Variants in HIRA observed in about 807,000 individuals in gnomAD.
HIRA encodes histone cell cycle regulator.
A neutral mutation model predicts 126.6 loss-of-function variants in HIRA; 13 were observed. The observed-to-expected ratio is 0.10, with a 90% CI of 0.07 to 0.16. The LOEUF (loss-of-function observed/expected upper bound fraction) is 0.16, where lower values mean the gene tolerates loss of function less well. Ranked by LOEUF, HIRA falls within the 10% of genes least tolerant of loss-of-function variation. The pLI is 1.00. For synonymous variants in HIRA, 511 were observed against 520.0 expected, an observed-to-expected ratio of 0.98 and a Z score of 0.24; for missense variants, 834 against 1,314.4, an observed-to-expected ratio of 0.63 and a Z score of 5.65.
chr22:19,348,974 G>C (rs984860130), intron 24 of HIRA, among the ~76,000 whole-genome samples: 2 of 151,144 alleles, frequency 1.3e-5, no homozygotes, highest in African/African-American at 2.4e-5. Flanking sequence ...AGTAGAGTCG[G>C]GGTTTCACCA....
chr22:19,374,901 G>T (rs2089003426), intron 15 of HIRA, among the ~76,000 whole-genome samples: 1 of 152,180 alleles, frequency 6.6e-6, no homozygotes, highest in African/African-American at 2.4e-5. Flanking sequence ...GCCCACATCT[G>T]CCTCTCCTCT....
rs373044228 is a variant in HIRA at position 19,368,789 on chromosome 22, C to T, written c.1775+6842G>A. On this transcript the variant is annotated intron_variant, in intron 15 of 24. Coordinates refer to ENST00000263208, the MANE Select transcript of HIRA (RefSeq NM_003325.4). ...CTATCATCTAAGTTTCTAAGGCGGG[C>T]GGTGGCTTCCTGAGCTCACCACAGC... Among the ~76,000 whole-genome samples, 48 of 152,252 alleles carry T rather than the reference C, an allele frequency of 3.2e-4. No homozygotes were observed. The East Asian group carries it at 5.2e-3, about 17-fold the overall frequency.
In HIRA at chr22:19,423,922, C is replaced by T. The variant is rs955073712; in HGVS notation, c.37+7518G>A. 3.3e-5 allele frequency among the ~76,000 whole-genome samples: 5 copies of T among 152,160 alleles called. No individual in the cohort carries two copies. In the East Asian group the frequency reaches 9.6e-4, roughly 29 times the overall value. ...GGGTAAGGCTTGGGCAGAATGTTTC[C>T]CCTCATCATTGGAATTGCCAGCAGA... On this transcript the variant is annotated intron_variant, in intron 1 of 24. Coordinates refer to ENST00000263208, the MANE Select transcript of HIRA (RefSeq NM_003325.4).
chr22:19,424,388 G>A (rs1387564043), intron 1 of HIRA, among the ~76,000 whole-genome samples: 1 of 152,158 alleles, frequency 6.6e-6, no homozygotes, highest in Non-Finnish European at 1.5e-5. Context: ...AAACATTCTC[G>A]ATACCCCACA....
In HIRA at chr22:19,354,075, C is replaced by T; in HGVS notation, c.2605G>A (p.Asp869Asn). 1 of 1,613,286 alleles carries T rather than the reference C, an allele frequency of 6.2e-7. No homozygotes were observed. Among genetic ancestry groups the T allele is most frequent in the Non-Finnish European group, 8.5e-7 (1 of 1,179,700 alleles). The change falls in exon 22 of 25, where the codon GAC (aspartate) becomes AAC (asparagine). Residue 869 changes from aspartate to asparagine, a missense_variant. This residue lies in a region of HIRA where 468 missense variants were observed against 574.2 expected (regional missense o/e 0.82). Transcript: ENST00000263208. The part of the protein sequence containing the change: ...DKQDSLAQCA[D>N]FRSSLPSQDA... ...TGGGATGGCAGGCTGCTCCTAAAGT[C>T]TGCACACTGAGCCAGTGAGTCCTGC...
chr22:19,389,452 C>T (rs2089157492), intron 9 of HIRA, among the ~76,000 whole-genome samples: 2 of 152,172 alleles, frequency 1.3e-5, no homozygotes, highest in Admixed American at 1.3e-4. Context: ...CCCATAGGTG[C>T]TGCTGCAGCT....
chr22:19,417,232 C>T (rs1303648694), intron 1 of HIRA, among the ~76,000 whole-genome samples: 1 of 151,806 alleles, frequency 6.6e-6, no homozygotes, highest in Non-Finnish European at 1.5e-5. Flanking sequence ...AAAAGATACA[C>T]AAATAACCAA....
chr22:19,372,861 C>T (rs1329166217), intron 15 of HIRA, among the ~76,000 whole-genome samples: 1 of 152,126 alleles, frequency 6.6e-6, no homozygotes, highest in Non-Finnish European at 1.5e-5. Context: ...CGTGAGCCAC[C>T]GTGCCTGGCC....
At chr22:19,426,711 G>T (rs1392332525) in intron 1 of HIRA, among the ~76,000 whole-genome samples, 1 of 152,156 alleles carries the variant, frequency 6.6e-6, no homozygotes. Context: ...AATGTTTGTT[G>T]CATAAATCAG....
intron 5 of HIRA, 47 bp downstream of exon 5, chr22:19,405,739 A>G: frequency 1.5e-6 from 2 of 1,294,028 alleles, no homozygotes; most frequent in Admixed American, 5.9e-5. Context: ...TGCTGATCTG[A>G]GCCAGGTGTC....
At chr22:19,341,806 T>C (rs1283267271) in intron 24 of HIRA, among the ~76,000 whole-genome samples, 9 of 152,250 alleles carry the variant, frequency 5.9e-5, no homozygotes, top group Admixed American at 3.9e-4. Context: ...CAATTCAAGA[T>C]GGATCAAAGA....
chr22:19,348,898 G>A (rs1556009823), intron 24 of HIRA, among the ~76,000 whole-genome samples: 1 of 151,956 alleles, frequency 6.6e-6, no homozygotes, highest in African/African-American at 2.4e-5. Flanking sequence ...CGATTCTCCT[G>A]CCTCAGCCTC....
chr22:19,372,429 C>T (rs906195023), intron 15 of HIRA, among the ~76,000 whole-genome samples: 2 of 151,932 alleles, frequency 1.3e-5, no homozygotes, highest in Non-Finnish European at 2.9e-5. Flanking sequence ...CTGTGTTATT[C>T]GTCTTTTTAT....
At chr22:19,377,085 T>G (rs1027429898) in intron 14 of HIRA, among the ~76,000 whole-genome samples, 2 of 152,174 alleles carry the variant, frequency 1.3e-5, no homozygotes, top group Non-Finnish European at 2.9e-5. Context: ...CCAGGCCTCA[T>G]CCCCTGGTAG....
chr22:19,428,390 G>A (rs1044378643), intron 1 of HIRA, among the ~76,000 whole-genome samples: 2 of 152,136 alleles, frequency 1.3e-5, no homozygotes, highest in African/African-American at 4.8e-5. Context: ...AGAGGCCAAG[G>A]ATACTAGAAA....
rs1601809312 is a variant in HIRA, at chr22:19,351,169, A to C, written c.2937+189T>G. On this transcript the variant is annotated intron_variant, in intron 24 of 24. Coordinates refer to ENST00000263208, the MANE Select transcript of HIRA (RefSeq NM_003325.4). The surrounding 1 kb of genome is among the most constrained non-coding windows in gnomAD (Gnocchi z 4.8). Reference sequence around the variant, plus strand: ...GAGCACTCCGTGGCTCCTGATGTCCAGGGCCCAGCTCCTGCCAGGTTGTGG... The same window carrying C: ...GAGCACTCCGTGGCTCCTGATGTCCCGGGCCCAGCTCCTGCCAGGTTGTGG... 1 of 985,356 alleles carries C rather than the reference A, an allele frequency of 1.0e-6. No homozygotes were observed. Among genetic ancestry groups the C allele is most frequent in the Non-Finnish European group, 1.2e-6 (1 of 829,924 alleles). 61.0% of individuals were successfully genotyped at this position (985,356 alleles called of 1,614,324 possible). A position where few individuals can be genotyped will look rare whatever the true frequency, so the allele number is the denominator to read the frequency against.
At chr22:19,340,223 A>C (rs2088611812) in intron 24 of HIRA, among the ~76,000 whole-genome samples, 1 of 152,178 alleles carries the variant, frequency 6.6e-6, no homozygotes, top group Non-Finnish European at 1.5e-5. Context: ...TAACGTACAC[A>C]TGTCAATAAA....
chr22:19,424,557 G>A (rs866638120), intron 1 of HIRA, among the ~76,000 whole-genome samples: 41 of 152,220 alleles, frequency 2.7e-4, no homozygotes, highest in African/African-American at 9.6e-4. Context: ...GCTGTACCAC[G>A]TGGTTTCTGA....
At chr22:19,372,078 T>C (rs1174064327) in intron 15 of HIRA, among the ~76,000 whole-genome samples, 1 of 152,230 alleles carries the variant, frequency 6.6e-6, no homozygotes, top group Non-Finnish European at 1.5e-5. Context: ...TTTACATTCC[T>C]ACCAGCATGT....
Sources: gnomAD v4.1 joint callset for allele counts (sites outside exome capture counted in the v4.1 genomes callset) on GRCh38, gnomAD v4.1.1 for gene constraint, gnomAD v4.1.1 regional missense constraint, Gnocchi (gnomAD v3.1) non-coding constraint, MANE v1.5 for transcripts, NCBI Gene and HGNC (gene_info 2026-07-23, HGNC 2026-07-21) for gene names.